The following FGF13 variants were observed in gnomAD, a reference collection of about 807,000 sequenced individuals.
FGF13 encodes the protein fibroblast growth factor 13, also known as fibroblast growth factor homologous factor 2.
Under a neutral mutation model 19.5 loss-of-function variants are expected in FGF13, and 2 were observed. The ratio of observed to expected loss-of-function variants is 0.10; its 90% CI spans 0.04 to 0.32. The LOEUF is 0.32. FGF13 is among the 10% of genes least tolerant of loss of function. FGF13 has a pLI of 1.00. For missense variants in FGF13, 113 were observed against 192.7 expected (o/e 0.59, Z 2.45); for synonymous variants, 72 against 76.9 (o/e 0.94, Z 0.33).
At position 138,822,212 on chromosome X, in the gene FGF13, G is replaced by A. The variant is rs138027515; in HGVS notation, c.217+35300C>T. ...AGGTTGTAGCACTATATTCTTCACA[G>A]TAAGAGAGTCAAAGCAATTTCTTAC... is the stretch of plus-strand genomic sequence containing the variant. On this transcript the variant is annotated intron_variant, in intron 3 of 6. Coordinates refer to the FGF13 transcript ENST00000436198. 5.1e-3 allele frequency among the ~76,000 whole-genome samples: 572 copies of A among 112,272 alleles called. 4 individuals are homozygous for A. The highest frequency in any genetic ancestry group is 8.9e-3 in the Non-Finnish European group (473 of 53,231).
In FGF13 at chrX:138,636,544, G is replaced by A. The variant is rs886863852; in HGVS notation, c.403-889C>T. ...CACGTGTCTATGTGTACAATAAACA[G>A]CCATTAAAAATGATAATTTCTAAGC... On this transcript the variant is annotated intron_variant, in intron 3 of 4. Transcript: ENST00000315930. 9.5e-4 allele frequency among the ~76,000 whole-genome samples: 107 copies of A among 112,203 alleles called. 1 individual carries two copies. The highest frequency in any genetic ancestry group is 3.1e-3 in the African/African-American group (95 of 30,868).
At chrX:138,853,649 G>A (rs2091239871), downstream of FGF13, among the ~76,000 whole-genome samples, 3 of 106,061 alleles carry the variant, frequency 2.8e-5, no homozygotes, top group South Asian at 1.2e-3. Context: ...GTGTGTGTGT[G>A]TAATCACATG....
intron 1 of FGF13, among the ~76,000 whole-genome samples, chrX:139,027,763 G>A (rs1267229741): frequency 9.0e-6 from 1 of 110,949 alleles, no homozygotes; most frequent in Non-Finnish European, 1.9e-5. Flanking sequence ...TAATGTCACT[G>A]CAAATAAAGA....
At chrX:138,735,339 G>A (rs928826893) in intron 1 of FGF13, among the ~76,000 whole-genome samples, 1 of 111,772 alleles carries the variant, frequency 8.9e-6, no homozygotes, top group African/African-American at 3.2e-5. Flanking sequence ...CACCTACTCT[G>A]TTGTACAAGG....
At chrX:138,782,136 T>C (rs2090649567) in intron 3 of FGF13, among the ~76,000 whole-genome samples, 1 of 111,868 alleles carries the variant, frequency 8.9e-6, no homozygotes, top group Admixed American at 9.4e-5. Context: ...TCTCAATAAA[T>C]TAGGTATTGA....
intron 1 of FGF13, among the ~76,000 whole-genome samples, chrX:139,031,551 ACT>A (rs916444104): frequency 1.2e-4 from 13 of 110,966 alleles, no homozygotes; most frequent in Non-Finnish European, 2.1e-4. Context: ...GAAAACTGAG[ACT>A]CTGATAAATT....
At chrX:139,159,802 T>C (rs1412795526) in intron 1 of FGF13, among the ~76,000 whole-genome samples, 1 of 111,147 alleles carries the variant, frequency 9.0e-6, no homozygotes, top group Non-Finnish European at 1.9e-5. Context: ...ATCCTAAATA[T>C]ATATGCACCC....
intron 3 of FGF13, among the ~76,000 whole-genome samples, chrX:138,782,848 A>G (rs2090657289): frequency 1.0e-5 from 1 of 97,250 alleles, no homozygotes; most frequent in African/African-American, 3.8e-5. Context: ...AAGAGCCCAC[A>G]TCGCCAAGTC....
chrX:138,864,407 T>C (rs898915558), intron 2 of FGF13, among the ~76,000 whole-genome samples: 34 of 112,762 alleles, frequency 3.0e-4, no homozygotes, highest in African/African-American at 1.1e-3. Context: ...GTGGGGTCTT[T>C]ACTCAGCATA....
At chrX:139,128,386 C>T (rs1466235628) in intron 1 of FGF13, among the ~76,000 whole-genome samples, 2 of 111,859 alleles carry the variant, frequency 1.8e-5, no homozygotes, top group Non-Finnish European at 3.8e-5. Context: ...CCACAATCCC[C>T]TAGGCCCACT....
chrX:138,950,997 T>C (rs184568435), intron 1 of FGF13, among the ~76,000 whole-genome samples: 3 of 111,750 alleles, frequency 2.7e-5, no homozygotes, highest in African/African-American at 9.7e-5. Context: ...CTATGTGCTA[T>C]GCCCTGTGTT....
chrX:138,643,764 C>A (rs901745037), intron 3 of FGF13, among the ~76,000 whole-genome samples: 11 of 111,648 alleles, frequency 9.9e-5, no homozygotes, highest in Admixed American at 6.7e-4. Context: ...CCCTAAAAAA[C>A]CCCCTATTAA....
At chrX:139,130,932 T>G (rs1280255682) in intron 1 of FGF13, among the ~76,000 whole-genome samples, 1 of 112,075 alleles carries the variant, frequency 8.9e-6, no homozygotes, top group Non-Finnish European at 1.9e-5. Flanking sequence ...AATTTTTGTT[T>G]TATCATCGTA....
intron 1 of FGF13, among the ~76,000 whole-genome samples, chrX:139,046,342 G>C (rs960935967): frequency 1.8e-5 from 2 of 111,394 alleles, no homozygotes; most frequent in African/African-American, 3.3e-5. Context: ...CACCTTCCAC[G>C]ACGCCCCACC....
chrX:138,724,239 T>C (rs765709809), intron 1 of FGF13, among the ~76,000 whole-genome samples: 34 of 112,258 alleles, frequency 3.0e-4, no homozygotes, highest in African/African-American at 1.0e-3. Flanking sequence ...GCATGGACTA[T>C]CTTGAAAGGT....
At chrX:138,921,712 G>A (rs759925873) in intron 1 of FGF13, among the ~76,000 whole-genome samples, 7 of 111,139 alleles carry the variant, frequency 6.3e-5, no homozygotes, top group African/African-American at 1.6e-4. Context: ...GCACAGAGGC[G>A]TGAGAACAGA....
intron 1 of FGF13, among the ~76,000 whole-genome samples, chrX:138,726,384 A>G (rs968166861): frequency 1.8e-5 from 2 of 111,645 alleles, no homozygotes; most frequent in East Asian, 5.7e-4. Flanking sequence ...ATGCTATTTA[A>G]CCTCTCTGAT....
intron 1 of FGF13, among the ~76,000 whole-genome samples, chrX:138,900,809 C>T (rs1349944011): frequency 1.8e-5 from 2 of 111,534 alleles, no homozygotes; most frequent in Non-Finnish European, 3.8e-5. Context: ...TCTCCTCTGA[C>T]TCTTCCCCTA....
intron 1 of FGF13, among the ~76,000 whole-genome samples, chrX:138,934,979 T>C (rs1383292096): frequency 9.0e-6 from 1 of 111,431 alleles, no homozygotes; most frequent in African/African-American, 3.3e-5. Flanking sequence ...TGATAAAATT[T>C]TCTCCCTCTT....
Sources: allele counts gnomAD v4.1 joint callset (sites outside exome capture counted in the v4.1 genomes callset), GRCh38; gene constraint gnomAD v4.1.1; transcripts MANE v1.5; gene names NCBI Gene and HGNC (gene_info 2026-07-23, HGNC 2026-07-21).